SLAIN1: variants seen among roughly 807,000 people sequenced by gnomAD.
SLAIN1 encodes the protein SLAIN family member 1, also known as SLAIN motif-containing protein 1.
A neutral mutation model predicts 55.4 loss-of-function variants in SLAIN1; 17 were observed. The ratio of observed to expected loss-of-function variants is 0.31; its 90% CI spans 0.21 to 0.46. The LOEUF (loss-of-function observed/expected upper bound fraction) is 0.46. Ranked by LOEUF, SLAIN1 falls within the 20% of genes least tolerant of loss-of-function variation. The pLI, the probability that SLAIN1 is intolerant of heterozygous loss-of-function variation, is 1.00. For synonymous variants in SLAIN1, 348 were observed against 337.4 expected, an observed-to-expected ratio of 1.03 and a Z score of -0.35; for missense variants, 682 against 785.1, an observed-to-expected ratio of 0.87 and a Z score of 1.57.
chr13:77,726,728 T>A (rs1415132526), intron 2 of SLAIN1, among the ~76,000 whole-genome samples: 2 of 152,186 alleles, frequency 1.3e-5, no homozygotes, highest in Non-Finnish European at 2.9e-5. Context: ...TAAGAAACTT[T>A]TTATTATAAA....
Position 77,698,226 on chromosome 13 carries a change from G to T in SLAIN1, c.313G>T (p.Gly105Trp). Residue 105 changes from glycine to tryptophan, a missense_variant, in exon 1 of 7, where the codon GGG becomes TGG. This residue lies in a region of SLAIN1 where 401 missense variants were observed against 417.3 expected (regional missense o/e 0.96). Coordinates refer to ENST00000418532, the MANE Select transcript of SLAIN1 (RefSeq NM_001242868.2). The surrounding 1 kb of genome is among the most constrained non-coding windows in gnomAD (Gnocchi z 4.1). ...GGGGCTCGGGCTGGCGCTGGGCGCG[G>T]GGGGCGGTGGCGGCAGCGGTAGTGG... ...GLGLGLALGA[G>W]GGGGSGSGSG... is the part of the protein sequence containing the mutation. 7.6e-7 allele frequency: 1 copy of T among 1,322,280 alleles called. No homozygotes were observed. Among genetic ancestry groups the T allele is most frequent in the Non-Finnish European group, 9.7e-7 (1 of 1,034,562 alleles). 81.9% of individuals were successfully genotyped at this position (1,322,280 alleles called of 1,614,324 possible). A position where few individuals can be genotyped will look rare whatever the true frequency, so the allele number is the denominator to read the frequency against.
intron 2 of SLAIN1, among the ~76,000 whole-genome samples, chr13:77,733,422 TTGAG>T (rs1167022556): frequency 6.6e-6 from 1 of 152,190 alleles, no homozygotes; most frequent in Non-Finnish European, 1.5e-5. Context: ...AGTTTAAAGA[TTGAG>T]TATCTGTAGT....
intron 1 of SLAIN1, among the ~76,000 whole-genome samples, chr13:77,705,599 T>A (rs1209084127): frequency 2.6e-5 from 4 of 151,920 alleles, no homozygotes; most frequent in Admixed American, 2.0e-4. Context: ...AAGTGATTTT[T>A]AAAATGACTT....
chr13:77,712,809 C>G (rs2091166245), intron 1 of SLAIN1, among the ~76,000 whole-genome samples: 1 of 152,084 alleles, frequency 6.6e-6, no homozygotes, highest in African/African-American at 2.4e-5. Flanking sequence ...ATTTCAAACT[C>G]TACTACAAAG....
At chr13:77,716,122 T>C (rs919263088) in intron 1 of SLAIN1, among the ~76,000 whole-genome samples, 1 of 151,784 alleles carries the variant, frequency 6.6e-6, no homozygotes, top group African/African-American at 2.4e-5. Flanking sequence ...ATCAAAGTTT[T>C]GTTTTTTTTT....
chr13:77,718,108 A>T (rs891786701), intron 1 of SLAIN1, among the ~76,000 whole-genome samples: 3 of 152,088 alleles, frequency 2.0e-5, no homozygotes, highest in East Asian at 1.9e-4. Flanking sequence ...GAAAAAAAAA[A>T]ATATATTGGA....
At chr13:77,699,827 A>G (rs1284474067) in intron 1 of SLAIN1, among the ~76,000 whole-genome samples, 2 of 152,100 alleles carry the variant, frequency 1.3e-5, no homozygotes, top group East Asian at 3.9e-4. Flanking sequence ...ACTTTAAGCC[A>G]TTTTTTCAAA....
At position 77,753,375 on chromosome 13, in the gene SLAIN1, GATATAATTAT is replaced by G. The variant is rs570072334; in HGVS notation, c.1414+22_1414+31del. On this transcript the variant is annotated intron_variant, in intron 5 of 6. Coordinates refer to ENST00000418532, the MANE Select transcript of SLAIN1 (RefSeq NM_001242868.2). ...AATCTTGTAGTGAGTATAATTATTT[GATATAATTAT>G]ATATTGTATAATTGTATAATTTTTT... 177 of 1,338,108 alleles carry G rather than the reference GATATAATTAT, an allele frequency of 1.3e-4. No homozygotes were observed. The African/African-American group carries it at 2.4e-3, about 18-fold the overall frequency. 82.9% of individuals were successfully genotyped at this position (1,338,108 alleles called of 1,614,324 possible).
intron 2 of SLAIN1, among the ~76,000 whole-genome samples, chr13:77,737,592 T>A (rs1320541753): frequency 3.3e-5 from 5 of 152,132 alleles, no homozygotes; most frequent in African/African-American, 1.2e-4. Context: ...TCCCTGATTG[T>A]ACACTGCTCT....
At chr13:77,740,087 C>G (rs1345068425) in intron 2 of SLAIN1, among the ~76,000 whole-genome samples, 2 of 151,974 alleles carry the variant, frequency 1.3e-5, no homozygotes, top group Non-Finnish European at 2.9e-5. Flanking sequence ...GCTTCAGAGA[C>G]ACTGTAGAGG....
At chr13:77,699,135 C>A in intron 1 of SLAIN1, 1 of 1,385,192 alleles carries the variant, frequency 7.2e-7, no homozygotes, top group Non-Finnish European at 9.8e-7. Context: ...TTTTCAGAGA[C>A]TGACTTGCTT....
chr13:77,720,180 T>A (rs1275148124), intron 2 of SLAIN1, among the ~76,000 whole-genome samples: 1 of 152,102 alleles, frequency 6.6e-6, no homozygotes, highest in Non-Finnish European at 1.5e-5. Flanking sequence ...AAGTTTAAAT[T>A]TAAAAAAAGG....
intron 4 of SLAIN1, 59 bp from the exon 5 acceptor site, chr13:77,753,144 A>G: frequency 6.9e-7 from 1 of 1,457,092 alleles, no homozygotes; most frequent in Non-Finnish European, 9.2e-7. Flanking sequence ...TGCTTTTGAA[A>G]GCTAGTACTT....
chr13:77,763,497 G>T lies in SLAIN1; in HGVS notation c.*277G>T. On this transcript the variant is annotated 3_prime_UTR_variant, in exon 7 of 7. Transcript: ENST00000418532. Reference sequence around the variant, plus strand: ...ACTGCTCTGTACCTGAATACTTTTTGAGAGAATTAAGATGTATCAATAATG... The same window carrying T: ...ACTGCTCTGTACCTGAATACTTTTTTAGAGAATTAAGATGTATCAATAATG... 2.6e-6 allele frequency: 1 copy of T among 386,748 alleles called. No homozygotes were observed. The highest frequency in any genetic ancestry group is 4.5e-5 in the East Asian group (1 of 22,088). The allele number at this position is 386,748 out of a possible 1,614,324, so 24.0% of individuals were successfully genotyped here. A position where few individuals can be genotyped will look rare whatever the true frequency, so the allele number is the denominator to read the frequency against.
intron 2 of SLAIN1, among the ~76,000 whole-genome samples, chr13:77,721,858 C>T (rs1187448239): frequency 1.3e-5 from 2 of 150,176 alleles, no homozygotes; most frequent in East Asian, 1.9e-4. Flanking sequence ...ATTACAAAAG[C>T]AGGAGTGGGC....
At chr13:77,762,668 G>A (rs745895341) in intron 6 of SLAIN1, among the ~76,000 whole-genome samples, 75 of 152,202 alleles carry the variant, frequency 4.9e-4, no homozygotes, top group Non-Finnish European at 9.4e-4. Flanking sequence ...CCAAAGTGTT[G>A]GGATTATAGA....
At chr13:77,741,414 C>T in intron 2 of SLAIN1, 1 of 987,380 alleles carries the variant, frequency 1.0e-6, no homozygotes, top group Non-Finnish European at 1.2e-6. Flanking sequence ...TGTTCTGGCT[C>T]CGATTGGGAA....
At chr13:77,713,672 T>C (rs1189089398) in intron 1 of SLAIN1, among the ~76,000 whole-genome samples, 1 of 152,188 alleles carries the variant, frequency 6.6e-6, no homozygotes. Flanking sequence ...CATTACTGGG[T>C]ATATACCCAA....
At chr13:77,763,044 C>A in intron 6 of SLAIN1, 101 bp from the exon 7 acceptor site, 1 of 956,134 alleles carries the variant, frequency 1.0e-6, no homozygotes, top group Non-Finnish European at 1.6e-6. Flanking sequence ...CTTCTCATTA[C>A]TGCAGTGGAA....
Sources: allele counts gnomAD v4.1 joint callset (sites outside exome capture counted in the v4.1 genomes callset), GRCh38; gene constraint gnomAD v4.1.1; regional missense constraint gnomAD v4.1.1; non-coding constraint Gnocchi (gnomAD v3.1); transcripts MANE v1.5; gene names NCBI Gene and HGNC (gene_info 2026-07-23, HGNC 2026-07-21).